CWF19L2: variants seen among roughly 807,000 people sequenced by gnomAD.
CWF19L2 encodes CWF19-like protein 2.
Under a neutral mutation model 111.7 loss-of-function variants are expected in CWF19L2, and 98 were observed. That is an observed-to-expected ratio of 0.88 (90% CI 0.75 to 1.04). The LOEUF (loss-of-function observed/expected upper bound fraction) is 1.04. CWF19L2 is among the 50% of genes least tolerant of loss of function. The pLI is 0.00. For synonymous variants in CWF19L2, 351 were observed against 342.9 expected (o/e 1.02, Z -0.26); for missense variants, 1,101 against 1,051.4 (o/e 1.05, Z -0.65).
intron 10 of CWF19L2, among the ~76,000 whole-genome samples, chr11:107,394,652 T>C (rs1238290187): frequency 6.6e-6 from 1 of 152,158 alleles, no homozygotes; most frequent in Non-Finnish European, 1.5e-5. Flanking sequence ...AAAAGAAATC[T>C]AACACCTGCC....
intron 12 of CWF19L2, among the ~76,000 whole-genome samples, chr11:107,384,647 T>C (rs1338273340): frequency 5.9e-5 from 9 of 152,216 alleles, no homozygotes; most frequent in Admixed American, 2.6e-4. Flanking sequence ...TATGTTTTTG[T>C]AAATAAAGTT....
chr11:107,330,889 A>G (rs1859840528), intron 16 of CWF19L2, among the ~76,000 whole-genome samples: 1 of 152,100 alleles, frequency 6.6e-6, no homozygotes, highest in Admixed American at 6.6e-5. Flanking sequence ...AGTGAATCAC[A>G]TGGTCCTACT....
intron 12 of CWF19L2, among the ~76,000 whole-genome samples, chr11:107,380,988 T>C (rs1316046957): frequency 6.6e-6 from 1 of 152,220 alleles, no homozygotes; most frequent in Non-Finnish European, 1.5e-5. Context: ...TATATGATTC[T>C]ACTTATCATT....
intron 12 of CWF19L2, among the ~76,000 whole-genome samples, chr11:107,356,405 A>T (rs1183737626): frequency 1.3e-5 from 2 of 152,200 alleles, no homozygotes; most frequent in African/African-American, 4.8e-5. Flanking sequence ...ATCAGGTAAA[A>T]AGATTATTAC....
intron 12 of CWF19L2, among the ~76,000 whole-genome samples, chr11:107,360,231 CTTGT>C (rs1181760519): frequency 4.6e-5 from 7 of 152,172 alleles, no homozygotes; most frequent in African/African-American, 1.7e-4. Flanking sequence ...CTGTGCCCGA[CTTGT>C]TTCACTTAAG....
intron 12 of CWF19L2, among the ~76,000 whole-genome samples, chr11:107,387,200 C>T (rs1006628059): frequency 9.9e-5 from 15 of 152,116 alleles, no homozygotes; most frequent in African/African-American, 3.6e-4. Flanking sequence ...TCCCACTCCC[C>T]CAAAATTTGT....
Position 107,357,869 on chromosome 11 carries a change from G to A in CWF19L2, c.1873-4133C>T, listed in dbSNP as rs987816227. Among the ~76,000 whole-genome samples the A allele has an allele frequency of 8.5e-5, 13 of 152,186 alleles. No individual in the cohort carries two copies. In the South Asian group the frequency reaches 2.7e-3, roughly 32 times the overall value. The stretch of plus-strand genomic sequence containing the variant: ...AGACTGGTAAAAGATAGTGGAGAAT[G>A]TACTAAGTGTAAGATGGAAAAAGTG... On this transcript the variant is annotated intron_variant, in intron 12 of 17. Transcript: ENST00000282251.
chr11:107,375,169 A>G lies in CWF19L2; in HGVS notation c.1872+14905T>C, dbSNP rs1359687128. Among the ~76,000 whole-genome samples, 8 of 134,470 alleles carry G rather than the reference A, an allele frequency of 5.9e-5. 1 individual carries two copies. The South Asian group carries it at 1.3e-3, about 22-fold the overall frequency. The allele number at this position is 134,470 out of a possible 152,430, so 88.2% of individuals were successfully genotyped here. A position where few individuals can be genotyped will look rare whatever the true frequency, so the allele number is the denominator to read the frequency against. On this transcript the variant is annotated intron_variant, in intron 12 of 17. Transcript: ENST00000282251. ...AGACTTAGACTCCCACACATTAATA[A>G]TGGGAGACTTTAACACCCCACTGTC... is the stretch of plus-strand genomic sequence containing the variant.
At chr11:107,418,153 A>T in intron 9 of CWF19L2, 41 bp downstream of exon 9, 1 of 1,228,832 alleles carries the variant, frequency 8.1e-7, no homozygotes, top group Non-Finnish European at 1.2e-6. Context: ...GAAGTTAAAC[A>T]TTTAATCATT....
At chr11:107,432,709 T>C (rs1004755580) in intron 7 of CWF19L2, among the ~76,000 whole-genome samples, 4 of 152,358 alleles carry the variant, frequency 2.6e-5, no homozygotes, top group African/African-American at 9.6e-5. Flanking sequence ...AATTATGTGA[T>C]AAAAGAGATA....
chr11:107,333,048 G>A (rs1859872485), intron 16 of CWF19L2, among the ~76,000 whole-genome samples: 1 of 151,304 alleles, frequency 6.6e-6, no homozygotes, highest in Non-Finnish European at 1.5e-5. Context: ...AACCTGGGAG[G>A]TGGAGTGATC....
intron 11 of CWF19L2, 50 bp downstream of exon 11, chr11:107,392,729 G>A (rs765319023): frequency 2.0e-5 from 23 of 1,126,838 alleles, no homozygotes; most frequent in Non-Finnish European, 2.8e-5. Context: ...AAAGCCCCAA[G>A]GGGAAGAAGG....
chr11:107,431,118 A>G (rs1308651985), intron 7 of CWF19L2, among the ~76,000 whole-genome samples: 1 of 152,082 alleles, frequency 6.6e-6, no homozygotes, highest in Non-Finnish European at 1.5e-5. Flanking sequence ...TTTTGTCTTT[A>G]GACAAAAAGG....
intron 12 of CWF19L2, among the ~76,000 whole-genome samples, chr11:107,362,414 A>G (rs1001368996): frequency 6.6e-6 from 1 of 152,020 alleles, no homozygotes; most frequent in African/African-American, 2.4e-5. Flanking sequence ...CTGCAGACTT[A>G]AATGTCCCTG....
chr11:107,425,324 G>A (rs956577676), intron 8 of CWF19L2, among the ~76,000 whole-genome samples: 3 of 151,686 alleles, frequency 2.0e-5, no homozygotes, highest in African/African-American at 4.8e-5. Flanking sequence ...TTCACTCAAC[G>A]ACAGACCACA....
intron 15 of CWF19L2, among the ~76,000 whole-genome samples, chr11:107,335,550 A>AT (rs1438144096): frequency 6.6e-6 from 1 of 152,172 alleles, no homozygotes; most frequent in Non-Finnish European, 1.5e-5. Context: ...CCCCTCACAC[A>AT]TTTTATGTTT....
intron 6 of CWF19L2, among the ~76,000 whole-genome samples, chr11:107,435,568 AG>A (rs1435102697): frequency 1.3e-5 from 2 of 152,150 alleles, no homozygotes; most frequent in Non-Finnish European, 2.9e-5. Context: ...ATCCAATGGG[AG>A]TAAAAATTTT....
chr11:107,399,664 C>T (rs1045945740), intron 10 of CWF19L2, among the ~76,000 whole-genome samples: 4 of 152,122 alleles, frequency 2.6e-5, no homozygotes, highest in Admixed American at 2.0e-4. Context: ...GTCATCAAGA[C>T]AGAAAGTCAA....
intron 12 of CWF19L2, among the ~76,000 whole-genome samples, chr11:107,369,880 C>A (rs1349389939): frequency 7.2e-6 from 1 of 138,214 alleles, no homozygotes; most frequent in African/African-American, 2.9e-5. Context: ...TTACCTAGTT[C>A]TTTTACAAAT....
Sources: gnomAD v4.1 joint callset for allele counts (sites outside exome capture counted in the v4.1 genomes callset) on GRCh38, gnomAD v4.1.1 for gene constraint, MANE v1.5 for transcripts, NCBI Gene and HGNC (gene_info 2026-07-23, HGNC 2026-07-21) for gene names.